The following NBEA variants were observed in gnomAD, a reference collection of about 807,000 sequenced individuals.
NBEA encodes the protein lysosomal-trafficking regulator 2.
NBEA carries 44 observed loss-of-function variants against 343.4 expected under a neutral mutation model. That is an observed-to-expected ratio of 0.13 (90% CI 0.10 to 0.16). The LOEUF (loss-of-function observed/expected upper bound fraction) is 0.16. NBEA is among the 10% of genes least tolerant of loss of function. NBEA has a pLI of 1.00. For missense variants in NBEA, 2,555 were observed against 3,631.3 expected (o/e 0.70, Z 7.62); for synonymous variants, 1,175 against 1,238.7 (o/e 0.95, Z 1.08).
intron 49 of NBEA, among the ~76,000 whole-genome samples, chr13:35,645,051 G>A (rs137856022): frequency 2.6e-5 from 4 of 152,272 alleles, no homozygotes; most frequent in Admixed American, 6.5e-5. Context: ...TTGCAGGTTC[G>A]CATTTTTATT....
At chr13:35,577,410 A>C (rs2080794811) in intron 45 of NBEA, among the ~76,000 whole-genome samples, 18 of 152,178 alleles carry the variant, frequency 1.2e-4, no homozygotes, top group Admixed American at 1.2e-3. Context: ...ACATTGTAGG[A>C]ACTGGTACTA....
At chr13:35,059,893 T>G (rs2063406060) in intron 8 of NBEA, among the ~76,000 whole-genome samples, 1 of 151,788 alleles carries the variant, frequency 6.6e-6, no homozygotes, top group Non-Finnish European at 1.5e-5. Flanking sequence ...AAGGTAACAA[T>G]ACTTGCTATC....
chr13:35,079,201 A>G (rs1331003298), intron 10 of NBEA, among the ~76,000 whole-genome samples: 1 of 152,310 alleles, frequency 6.6e-6, no homozygotes, highest in East Asian at 1.9e-4. Context: ...GACATTGTAG[A>G]ATATTCTGAT....
chr13:35,627,725 T>G (rs1018056503), intron 48 of NBEA, among the ~76,000 whole-genome samples: 1 of 152,150 alleles, frequency 6.6e-6, no homozygotes, highest in Non-Finnish European at 1.5e-5. Context: ...TGTAACATGG[T>G]ATTAAAAAAG....
chr13:35,615,753 T>C (rs1484358416), intron 48 of NBEA, among the ~76,000 whole-genome samples: 1 of 151,924 alleles, frequency 6.6e-6, no homozygotes, highest in Non-Finnish European at 1.5e-5. Context: ...AGAGGAGCCG[T>C]GGAGGAGAGG....
chr13:35,218,884 A>G (rs565545944), intron 33 of NBEA, among the ~76,000 whole-genome samples: 15 of 152,138 alleles, frequency 9.9e-5, no homozygotes, highest in African/African-American at 3.6e-4. Context: ...ATCTCTTGAA[A>G]GCTTCTATAA....
intron 17 of NBEA, among the ~76,000 whole-genome samples, chr13:35,127,613 G>A (rs2067198081): frequency 6.6e-6 from 1 of 151,776 alleles, no homozygotes. Context: ...TACAAATATA[G>A]GCCTATTGAC....
chr13:35,425,076 T>C (rs1037584225), intron 38 of NBEA, among the ~76,000 whole-genome samples: 1 of 152,200 alleles, frequency 6.6e-6, no homozygotes, highest in Non-Finnish European at 1.5e-5. Flanking sequence ...CTATCAATTT[T>C]GTTGATCTTT....
chr13:35,381,923 C>A (rs9544188), intron 38 of NBEA, among the ~76,000 whole-genome samples: 105,892 of 151,986 alleles, frequency 0.7, 39,182 homozygotes, highest in Non-Finnish European at 0.81. Context: ...TTTTAATTAT[C>A]TTCTTCTATT....
chr13:35,290,461 C>A lies in NBEA; in HGVS notation c.5838+11C>A. The A allele has an allele frequency of 6.3e-7, 1 of 1,595,434 alleles. No individual in the cohort carries two copies. Among genetic ancestry groups the A allele is most frequent in the Non-Finnish European group, 8.6e-7 (1 of 1,165,790 alleles). On this transcript the variant is annotated intron_variant, in intron 35 of 58. Coordinates refer to ENST00000379939, the MANE Select transcript of NBEA (RefSeq NM_001385012.1). ...CTGCTTTGTTCTCAGGTACAAAATCCCATTCACTCAGTTACATTAATATAT... is the reference window on the plus strand; with the variant it reads ...CTGCTTTGTTCTCAGGTACAAAATCACATTCACTCAGTTACATTAATATAT...
chr13:35,432,519 G>T, intron 39 of NBEA, 126 bp downstream of exon 39: 1 of 841,616 alleles, frequency 1.2e-6, no homozygotes, highest in Non-Finnish European at 1.7e-6. Flanking sequence ...GAAATATTTT[G>T]TTCTGCTTTA....
At chr13:35,367,702 A>T (rs2041201496) in intron 38 of NBEA, among the ~76,000 whole-genome samples, 1 of 151,418 alleles carries the variant, frequency 6.6e-6, no homozygotes, top group African/African-American at 2.4e-5. Context: ...GCCTGTTTTG[A>T]GTCTTAACAT....
chr13:35,114,647 C>T (rs1319113842), intron 13 of NBEA, among the ~76,000 whole-genome samples: 1 of 152,076 alleles, frequency 6.6e-6, no homozygotes, highest in Non-Finnish European at 1.5e-5. Context: ...CTCCATAGAA[C>T]CCTTGCCCCT....
At chr13:35,383,965 C>G (rs2042121578) in intron 38 of NBEA, among the ~76,000 whole-genome samples, 1 of 151,896 alleles carries the variant, frequency 6.6e-6, no homozygotes, top group African/African-American at 2.4e-5. Context: ...TAGGTATTGG[C>G]ATATGACTGG....
At chr13:35,399,673 G>T (rs1285868672) in intron 38 of NBEA, among the ~76,000 whole-genome samples, 3 of 152,230 alleles carry the variant, frequency 2.0e-5, no homozygotes, top group African/African-American at 4.8e-5. Context: ...TTTCCTTCAA[G>T]AACTTTTTCT....
At chr13:35,127,054 T>G (rs1236110648) in intron 17 of NBEA, among the ~76,000 whole-genome samples, 1 of 152,202 alleles carries the variant, frequency 6.6e-6, no homozygotes, top group African/African-American at 2.4e-5. Context: ...TTTGCCATTT[T>G]TATTTAGAGG....
chr13:35,368,489 T>C (rs2041251946), intron 38 of NBEA, among the ~76,000 whole-genome samples: 1 of 151,678 alleles, frequency 6.6e-6, no homozygotes, highest in African/African-American at 2.4e-5. Flanking sequence ...TCTGTCCCAC[T>C]TGAGATCATG....
intron 38 of NBEA, among the ~76,000 whole-genome samples, chr13:35,407,133 T>TA (rs2043311399): frequency 1.1e-5 from 1 of 89,678 alleles, no homozygotes; most frequent in African/African-American, 2.9e-5. Context: ...CTAATTTTTG[T>TA]GTTTTTTTTT....
intron 38 of NBEA, among the ~76,000 whole-genome samples, chr13:35,359,832 ATGTG>A (rs60793996): frequency 0.01 from 1,475 of 144,614 alleles, 17 homozygotes; most frequent in African/African-American, 0.027. Flanking sequence ...GTGTGTGTGT[ATGTG>A]TGTGTGTGTG....
Sources: allele counts gnomAD v4.1 joint callset (sites outside exome capture counted in the v4.1 genomes callset), GRCh38; gene constraint gnomAD v4.1.1; transcripts MANE v1.5; gene names NCBI Gene and HGNC (gene_info 2026-07-23, HGNC 2026-07-21).